The following RNF207 variants were observed in gnomAD, a reference collection of about 807,000 sequenced individuals.
RNF207 encodes the protein OTTHUMG00000001089.
Under a neutral mutation model 79.0 loss-of-function variants are expected in RNF207, and 72 were observed. The observed-to-expected ratio is 0.91, with a 90% CI of 0.75 to 1.11. RNF207 has a LOEUF of 1.11. RNF207 is among the 50% of genes least tolerant of loss of function. The probability of loss-of-function intolerance (pLI) is 0.00; values close to 1 mark genes in which losing one functional copy is unlikely to be tolerated. For synonymous variants in RNF207, 348 were observed against 366.2 expected (o/e 0.95, Z 0.57); for missense variants, 936 against 855.8 (o/e 1.09, Z -1.17).
In RNF207 at chr1:6,208,968, G is replaced by A; in HGVS notation, c.412G>A (p.Ala138Thr). 3.3e-6 allele frequency: 5 copies of A among 1,536,862 alleles called. No individual in the cohort carries two copies. The highest frequency in any genetic ancestry group is 4.4e-6 in the Non-Finnish European group (5 of 1,145,746). ...RDETHRARMF[A>T]RHDIVALGQR... ...CGAGACGCACCGAGCACGCATGTTC[G>A]CGCGCCACGACATCGTGGCCCTGGG... Residue 138 changes from alanine (A) to threonine (T), a missense_variant, in exon 4 of 18, where the codon GCG (alanine) becomes ACG (threonine). Physicochemically the swap from Ala to Thr is moderately conservative, Grantham distance 58. Coordinates refer to ENST00000377939, the MANE Select transcript of RNF207 (RefSeq NM_207396.3).
In RNF207 at chr1:6,209,290, G is replaced by T. The variant is rs2100926847; in HGVS notation, c.574G>T (p.Asp192Tyr). The T allele has an allele frequency of 1.3e-6, 2 of 1,548,744 alleles. No individual in the cohort carries two copies. Among genetic ancestry groups the T allele is most frequent in the Non-Finnish European group, 1.7e-6 (2 of 1,146,710 alleles). Residue 192 changes from aspartate to tyrosine, a missense_variant, in exon 6 of 18, where the codon GAC (aspartate) becomes TAC (tyrosine). Physicochemically the swap from Asp to Tyr is radical, Grantham distance 160. Transcript: ENST00000377939. The stretch of plus-strand genomic sequence containing the variant: ...CAGGGAGAGCCGGGCACACTGCGTG[G>T]ACCTGGAATCGGCTTACGTGCAGGG... ...MQKESRAHCV[D>Y]LESAYVQGCE...
Position 6,217,404 on chromosome 1 carries a change from G to A in RNF207, c.1653-885G>A, listed in dbSNP as rs1050282237. ...ATCATGACGCAGACCCCCAGCTCCC[G>A]CTCCAGCACAGTGCTTACCAGAGCT... On this transcript the variant is annotated intron_variant, in intron 16 of 17. Transcript: ENST00000377939. The surrounding 1 kb of genome is among the most constrained non-coding windows in gnomAD (Gnocchi z 4.2). Among the ~76,000 whole-genome samples, 15 of 152,044 alleles carry A rather than the reference G, an allele frequency of 9.9e-5. No individual in the cohort carries two copies. The highest frequency in any genetic ancestry group is 5.2e-4 in the Admixed American group (8 of 15,262).
chr1:6,221,148 C>G lies in RNF207; in HGVS notation c.*1741C>G, dbSNP rs371891182. 1 of 152,562 alleles carries G rather than the reference C, an allele frequency of 6.6e-6. No individual in the cohort carries two copies. The highest frequency in any genetic ancestry group is 6.5e-5 in the Admixed American group (1 of 15,274). 9.5% of individuals were successfully genotyped at this position (152,562 alleles called of 1,614,324 possible). ...CTAAAGGCTTAAGACGCTTCTTACC[C>G]AAGAGTGACCTCAGAGTTTCACATC... On this transcript the variant is annotated 3_prime_UTR_variant, in exon 18 of 18. Transcript: ENST00000377939.
chr1:6,209,065 G>GGGGGGGCC, intron 4 of RNF207, 40 bp downstream of exon 4: 5 of 828,546 alleles, frequency 6.0e-6, no homozygotes, highest in Non-Finnish European at 9.7e-6. Context: ...GGGGGTGGGG[G>GGGGGGGCC]CGGGGCGGGC....
Position 6,209,473 on chromosome 1 carries a change from G to T in RNF207, c.687G>T (p.Val229=). 1 of 1,501,010 alleles carries T rather than the reference G, an allele frequency of 6.7e-7. No homozygotes were observed. The allele number at this position is 1,501,010 out of a possible 1,614,324, so 93.0% of individuals were successfully genotyped here. Residue 229 remains valine (V), a synonymous_variant, in exon 7 of 18, where the codon GTG becomes GTT. Coordinates refer to ENST00000377939, the MANE Select transcript of RNF207 (RefSeq NM_207396.3). ...CCATCGCGCTGCTGCAGGCCATGGT[G>T]GAGGAGGTGCGGCACAGCGCCGCCG... ...REAIALLQAM[V]EEVRHSAAEE... is the part of the protein sequence containing the mutation.
chr1:6,209,776 C>A, intron 7 of RNF207, 148 bp from the exon 8 acceptor site: 1 of 982,580 alleles, frequency 1.0e-6, no homozygotes, highest in Non-Finnish European at 1.5e-6. Context: ...TGACGGGACC[C>A]AAGCCCTCAC....
Position 6,210,932 on chromosome 1 carries a change from C to T in RNF207, c.1005C>T (p.Ser335=). 6.2e-7 allele frequency: 1 copy of T among 1,605,842 alleles called. No individual in the cohort carries two copies. Among genetic ancestry groups the T allele is most frequent in the Non-Finnish European group, 8.5e-7 (1 of 1,176,918 alleles). The stretch of plus-strand genomic sequence containing the variant: ...CGCACCACCTAAGGCCTATTCAGAG[C>T]AGCAAGGTGTGCAGTGGCCTGGGTG... ...TRPHHLRPIQ[S]SKIASDHRAE... The change falls in exon 11 of 18, where the codon AGC becomes AGT. Residue 335 remains serine, a synonymous_variant. Transcript: ENST00000377939.
At position 6,208,919 on chromosome 1, in the gene RNF207, G is replaced by C. The variant is rs1668026080; in HGVS notation, c.363G>C (p.Gln121His). ...ETTYFCNTCG[Q>H]PLCARCRDET... The stretch of plus-strand genomic sequence containing the variant: ...CGTACTTCTGCAACACGTGCGGACA[G>C]CCCCTATGCGCGCGCTGCCGCGACG... The change falls in exon 4 of 18, where the codon CAG (glutamine) becomes CAC (histidine). Residue 121 changes from glutamine to histidine, a missense_variant. Transcript: ENST00000377939. 2.0e-6 allele frequency: 3 copies of C among 1,534,440 alleles called. No individual in the cohort carries two copies. Among genetic ancestry groups the C allele is most frequent in the Non-Finnish European group, 2.6e-6 (3 of 1,145,510 alleles).
chr1:6,214,158 G>C (rs1277039317), intron 16 of RNF207, among the ~76,000 whole-genome samples: 1 of 152,124 alleles, frequency 6.6e-6, no homozygotes, highest in African/African-American at 2.4e-5. Flanking sequence ...TCCTTCAAAG[G>C]CATCGCTCTC....
rs1557587544 is a variant in RNF207 at position 6,210,941 on chromosome 1, G to A, written c.1011+3G>A. 1 of 1,604,544 alleles carries A rather than the reference G, an allele frequency of 6.2e-7. No individual in the cohort carries two copies. The highest frequency in any genetic ancestry group is 8.5e-7 in the Non-Finnish European group (1 of 1,176,320). ...TAAGGCCTATTCAGAGCAGCAAGGT[G>A]TGCAGTGGCCTGGGTGGGCCAGGGT... On this transcript the variant is annotated splice_donor_region_variant and intron_variant, in intron 11 of 17. Transcript: ENST00000377939.
At position 6,210,215 on chromosome 1, in the gene RNF207, TCCCCCAG is replaced by T. The variant is rs1227312621; in HGVS notation, c.801-5_802del. On this transcript the variant is annotated splice_acceptor_variant and splice_polypyrimidine_tract_variant and intron_variant, in intron 8 of 17. Coordinates refer to ENST00000377939, the MANE Select transcript of RNF207 (RefSeq NM_207396.3). LOFTEE classifies it high-confidence loss of function. ...CCCCCTGGAAACCAGGCAGCCCCCCTCCCCCAGCCAATACGAAGAGAAGGACAAGGCC... is the reference window on the plus strand; with the variant it reads ...CCCCCTGGAAACCAGGCAGCCCCCCTCCAATACGAAGAGAAGGACAAGGCC... 6.2e-7 allele frequency: 1 copy of T among 1,608,028 alleles called. No individual in the cohort carries two copies. The highest frequency in any genetic ancestry group is 2.2e-5 in the East Asian group (1 of 44,824).
Position 6,212,404 on chromosome 1 carries a change from C to G in RNF207, c.1470C>G (p.Val490=), listed in dbSNP as rs1449108736. Residue 490 remains valine, a synonymous_variant, in exon 14 of 18, where the codon GTC becomes GTG. Transcript: ENST00000377939. ...SEHASLEGMR[V]VFQEIWEEAY... is the part of the protein sequence containing the mutation. ...ACGCCTCCTTAGAGGGCATGAGGGT[C>G]GTCTTCCAGGAGGTAGCCCTCCCAA... The G allele has an allele frequency of 6.2e-7, 1 of 1,609,132 alleles. No homozygotes were observed. The highest frequency in any genetic ancestry group is 8.5e-7 in the Non-Finnish European group (1 of 1,177,774).
chr1:6,212,056 G>A lies in RNF207; in HGVS notation c.1296+3G>A. ...GCCACTATGAGGACTCCTACCGGGT[G>A]AGGGGGCAGGGATCTGCCGGAGGGG... On this transcript the variant is annotated splice_donor_region_variant and intron_variant, in intron 13 of 17. Coordinates refer to ENST00000377939, the MANE Select transcript of RNF207 (RefSeq NM_207396.3). 1 of 1,593,140 alleles carries A rather than the reference G, an allele frequency of 6.3e-7. No homozygotes were observed.
At chr1:6,218,884 TTGC>T (rs1226712415) in intron 17 of RNF207, among the ~76,000 whole-genome samples, 1 of 151,786 alleles carries the variant, frequency 6.6e-6, no homozygotes, top group Non-Finnish European at 1.5e-5. Context: ...GTGCAGAGGG[TTGC>T]TGAAGTGGCC....
At chr1:6,208,612 A>C in intron 3 of RNF207, 7 of 472,852 alleles carry the variant, frequency 1.5e-5, no homozygotes, top group East Asian at 8.2e-5. Flanking sequence ...CGGCCTCGGT[A>C]AAATGTTTTA....
In RNF207 at chr1:6,210,216, C is replaced by T. The variant is rs773141897; in HGVS notation, c.801-7C>T. 1 of 1,612,322 alleles carries T rather than the reference C, an allele frequency of 6.2e-7. No homozygotes were observed. The highest frequency in any genetic ancestry group is 8.5e-7 in the Non-Finnish European group (1 of 1,179,020). ...CCCCTGGAAACCAGGCAGCCCCCCT[C>T]CCCCAGCCAATACGAAGAGAAGGAC... On this transcript the variant is annotated splice_region_variant and splice_polypyrimidine_tract_variant and intron_variant, in intron 8 of 17. Transcript: ENST00000377939.
At chr1:6,218,266 T>A in intron 16 of RNF207, 23 bp from the exon 17 acceptor site, 2 of 1,592,100 alleles carry the variant, frequency 1.3e-6, no homozygotes, top group Non-Finnish European at 1.7e-6. Context: ...CCCTTGAGAT[T>A]CTGGTGCCCA....
rs1557586796 is a variant in RNF207, at chr1:6,210,442, A to C, written c.942+4A>C. The C allele has an allele frequency of 6.2e-7, 1 of 1,611,606 alleles. No individual in the cohort carries two copies. Among genetic ancestry groups the C allele is most frequent in the Non-Finnish European group, 8.5e-7 (1 of 1,179,034 alleles). ...TGAGTTCCTGGACCTGGGCTATGTG[A>C]GTCTCCTCTGCTCCTGCAGATGCCC... is the stretch of plus-strand genomic sequence containing the variant. On this transcript the variant is annotated splice_donor_region_variant and intron_variant, in intron 10 of 17. Coordinates refer to ENST00000377939, the MANE Select transcript of RNF207 (RefSeq NM_207396.3).
chr1:6,218,316 A>G lies in RNF207; in HGVS notation c.1680A>G (p.Ser560=). The G allele has an allele frequency of 6.2e-7, 1 of 1,614,076 alleles. No individual in the cohort carries two copies. Among genetic ancestry groups the G allele is most frequent in the Non-Finnish European group, 8.5e-7 (1 of 1,179,922 alleles). Residue 560 remains serine (S), a synonymous_variant, in exon 17 of 18, where the codon TCA becomes TCG. Coordinates refer to ENST00000377939, the MANE Select transcript of RNF207 (RefSeq NM_207396.3). ...PRFQAPVDEQ[S]ESLQNTHDDS... ...TTCAGGCACCCGTGGATGAGCAGTC[A>G]GAGAGTCTACAGAACACGCACGACG... is the stretch of plus-strand genomic sequence containing the variant.
Sources: allele counts gnomAD v4.1 joint callset (sites outside exome capture counted in the v4.1 genomes callset), GRCh38; gene constraint gnomAD v4.1.1; non-coding constraint Gnocchi (gnomAD v3.1); transcripts MANE v1.5; gene names NCBI Gene and HGNC (gene_info 2026-07-23, HGNC 2026-07-21).